Variants in ASH1L observed in about 807,000 individuals in gnomAD.
ASH1L encodes histone-lysine N-methyltransferase ASH1L.
Under a neutral mutation model 269.0 loss-of-function variants are expected in ASH1L, and 23 were observed. The observed-to-expected ratio is 0.09, with a 90% CI of 0.06 to 0.12. The LOEUF (loss-of-function observed/expected upper bound fraction) is 0.12, where lower values mean the gene tolerates loss of function less well. ASH1L is among the 10% of genes least tolerant of loss of function. The pLI, the probability that ASH1L is intolerant of heterozygous loss-of-function variation, is 1.00. For missense variants in ASH1L, 2,912 were observed against 3,567.8 expected (o/e 0.82, Z 4.68); for synonymous variants, 1,187 against 1,253.5 (o/e 0.95, Z 1.12).
chr1:155,469,177 TTTAA>T (rs954070368), intron 3 of ASH1L, among the ~76,000 whole-genome samples: 82 of 151,480 alleles, frequency 5.4e-4, no homozygotes, highest in African/African-American at 1.8e-3. Context: ...CACTCTTTTT[TTTAA>T]TTAATTAATT....
intron 5 of ASH1L, among the ~76,000 whole-genome samples, chr1:155,417,236 C>A (rs1660292914): frequency 1.3e-5 from 2 of 151,148 alleles, no homozygotes; most frequent in Admixed American, 6.6e-5. Context: ...CGCCCAGCCT[C>A]CACCTTGCCT....
At chr1:155,361,100 G>A (rs923466404) in intron 12 of ASH1L, among the ~76,000 whole-genome samples, 1 of 151,906 alleles carries the variant, frequency 6.6e-6, no homozygotes, top group African/African-American at 2.4e-5. Flanking sequence ...TTAGCCAGGC[G>A]AGGCCACATG....
rs369938574 is a variant in ASH1L, at chr1:155,556,436, GTGTA to G, written c.-100+5713_-100+5716del. Among the ~76,000 whole-genome samples, 18 of 135,466 alleles carry G rather than the reference GTGTA, an allele frequency of 1.3e-4. 1 individual carries two copies. The highest frequency in any genetic ancestry group is 2.6e-4 in the South Asian group (1 of 3,810). 88.9% of individuals were successfully genotyped at this position (135,466 alleles called of 152,430 possible). ...TGTGTGTGTGTGTGTGTGTGTGTGT[GTGTA>G]TGTGTATATATATATATTTTTTGAG... On this transcript the variant is annotated intron_variant, in intron 1 of 27. Transcript: ENST00000392403.
In ASH1L at chr1:155,527,563, GTC is replaced by G. The variant is rs1342575936; in HGVS notation, c.-99-5947_-99-5946del. ...TTTTTTTTTTTTTTTTTGAGTCAAG[GTC>G]TCTCTCTGTCACCCTGGCCAGAGTG... On this transcript the variant is annotated intron_variant, in intron 1 of 27. Coordinates refer to ENST00000392403, the MANE Select transcript of ASH1L (RefSeq NM_018489.3). Among the ~76,000 whole-genome samples, 6 of 136,136 alleles carry G rather than the reference GTC, an allele frequency of 4.4e-5. No individual in the cohort carries two copies. The East Asian group carries it at 1.1e-3, about 25-fold the overall frequency. 89.3% of individuals were successfully genotyped at this position (136,136 alleles called of 152,430 possible).
intron 6 of ASH1L, among the ~76,000 whole-genome samples, chr1:155,414,933 C>A (rs1221320482): frequency 6.6e-6 from 1 of 152,006 alleles, no homozygotes; most frequent in South Asian, 2.1e-4. Flanking sequence ...CAAGATAATA[C>A]AAAGTTCTTA....
intron 24 of ASH1L, among the ~76,000 whole-genome samples, chr1:155,342,742 G>A (rs913042361): frequency 6.6e-6 from 1 of 152,128 alleles, no homozygotes; most frequent in Non-Finnish European, 1.5e-5. Flanking sequence ...CTGATACTTA[G>A]ATTAAGTAAA....
intron 6 of ASH1L, among the ~76,000 whole-genome samples, chr1:155,403,328 C>T (rs563176518): frequency 6.6e-6 from 1 of 151,874 alleles, no homozygotes; most frequent in Non-Finnish European, 1.5e-5. Flanking sequence ...TCAAAAAAAA[C>T]CAAAAAAACC....
rs761725274 is a variant in ASH1L at position 155,360,397 on chromosome 1, T to G, written c.6699A>C (p.Gly2233=). The part of the protein sequence containing the change: ...NCEMQKWSVN[G]VYRIGLYALK... Reference sequence around the variant, plus strand: ...GAGCATAGAGTCCAATCCGGTATACTCCATTAACAGACCTGTAAAGAGAGA... The same window carrying G: ...GAGCATAGAGTCCAATCCGGTATACGCCATTAACAGACCTGTAAAGAGAGA... Residue 2233 remains glycine, a synonymous_variant, in exon 13 of 28, where the codon GGA becomes GGC. Transcript: ENST00000392403. 6.2e-7 allele frequency: 1 copy of G among 1,605,968 alleles called. No individual in the cohort carries two copies. The highest frequency in any genetic ancestry group is 1.1e-5 in the South Asian group (1 of 90,912).
chr1:155,466,380 AC>A (rs997293238), intron 3 of ASH1L, among the ~76,000 whole-genome samples: 1 of 152,004 alleles, frequency 6.6e-6, no homozygotes, highest in Non-Finnish European at 1.5e-5. Context: ...ACAAAACAAA[AC>A]AAAAACTCTG....
At chr1:155,534,181 A>G (rs1023052122) in intron 1 of ASH1L, among the ~76,000 whole-genome samples, 2 of 139,096 alleles carry the variant, frequency 1.4e-5, no homozygotes, top group African/African-American at 5.6e-5. Context: ...CTCAAAAAAG[A>G]AAAAAAAAAA....
chr1:155,549,186 C>T (rs763226104), intron 1 of ASH1L, among the ~76,000 whole-genome samples: 2 of 151,914 alleles, frequency 1.3e-5, no homozygotes, highest in Non-Finnish European at 2.9e-5. Flanking sequence ...CTACAAAAAC[C>T]AAAAAAATTA....
chr1:155,452,192 T>C (rs914203033), intron 4 of ASH1L, among the ~76,000 whole-genome samples: 2 of 151,046 alleles, frequency 1.3e-5, no homozygotes, highest in African/African-American at 4.9e-5. Context: ...GCGCCCGCCA[T>C]CATACCTGGC....
At chr1:155,493,731 G>A (rs570115673) in intron 2 of ASH1L, among the ~76,000 whole-genome samples, 1 of 152,218 alleles carries the variant, frequency 6.6e-6, no homozygotes, top group South Asian at 2.1e-4. Context: ...AAAATTAGCT[G>A]GGTGTGGCAG....
At chr1:155,466,795 G>T (rs1183635943) in intron 3 of ASH1L, among the ~76,000 whole-genome samples, 3 of 152,112 alleles carry the variant, frequency 2.0e-5, no homozygotes. Flanking sequence ...CTGAACATCT[G>T]AACTTATTCC....
At chr1:155,471,044 A>G (rs928501158) in intron 3 of ASH1L, among the ~76,000 whole-genome samples, 1 of 152,228 alleles carries the variant, frequency 6.6e-6, no homozygotes, top group African/African-American at 2.4e-5. Flanking sequence ...CTTTTCCTCG[A>G]CTGGTTTTTG....
At chr1:155,378,998 C>A (rs1290089389) in intron 8 of ASH1L, among the ~76,000 whole-genome samples, 1 of 151,034 alleles carries the variant, frequency 6.6e-6, no homozygotes, top group Non-Finnish European at 1.5e-5. Flanking sequence ...TATAGGAAAA[C>A]ATTTCAAATT....
chr1:155,509,402 T>C (rs1361694709), intron 2 of ASH1L, among the ~76,000 whole-genome samples: 2 of 152,154 alleles, frequency 1.3e-5, no homozygotes, highest in Admixed American at 6.6e-5. Flanking sequence ...AGAAACATCA[T>C]TGATACTAAA....
intron 1 of ASH1L, among the ~76,000 whole-genome samples, chr1:155,557,830 T>C (rs1671704823): frequency 6.6e-6 from 1 of 152,096 alleles, no homozygotes; most frequent in Admixed American, 6.6e-5. Flanking sequence ...AAAAATGAAC[T>C]AGTTGCATTT....
At chr1:155,547,907 T>C (rs1349207507) in intron 1 of ASH1L, among the ~76,000 whole-genome samples, 1 of 151,788 alleles carries the variant, frequency 6.6e-6, no homozygotes, top group Non-Finnish European at 1.5e-5. Flanking sequence ...ACCCGGAAGG[T>C]GGATCTTGCA....
Sources: allele counts gnomAD v4.1 joint callset (sites outside exome capture counted in the v4.1 genomes callset), GRCh38; gene constraint gnomAD v4.1.1; transcripts MANE v1.5; gene names NCBI Gene and HGNC (gene_info 2026-07-23, HGNC 2026-07-21).